Variants in ZBTB8A observed in about 807,000 individuals in gnomAD.
ZBTB8A encodes zinc finger and BTB domain-containing protein 8A.
A neutral mutation model predicts 37.8 loss-of-function variants in ZBTB8A; 19 were observed. The observed-to-expected ratio is 0.50, with a 90% CI of 0.35 to 0.74. The LOEUF is 0.74. ZBTB8A is among the 30% of genes least tolerant of loss of function. ZBTB8A has a pLI of 0.01. For missense variants in ZBTB8A, 394 were observed against 537.8 expected (o/e 0.73, Z 2.65); for synonymous variants, 181 against 185.2 (o/e 0.98, Z 0.19).
intron 2 of ZBTB8A, among the ~76,000 whole-genome samples, chr1:32,565,715 C>T (rs1032479863): frequency 1.3e-5 from 2 of 152,032 alleles, no homozygotes; most frequent in Non-Finnish European, 2.9e-5. Context: ...ATTCATTTCC[C>T]TTTAGTCCTA....
intron 4 of ZBTB8A, among the ~76,000 whole-genome samples, chr1:32,595,538 G>A (rs1274905669): frequency 6.6e-6 from 1 of 151,252 alleles, no homozygotes; most frequent in African/African-American, 2.4e-5. Context: ...AAAGTGCTGG[G>A]ATTACAGGCA....
chr1:32,540,010 G>A (rs1644039670), intron 1 of ZBTB8A, among the ~76,000 whole-genome samples: 2 of 151,722 alleles, frequency 1.3e-5, no homozygotes, highest in African/African-American at 4.8e-5. Flanking sequence ...CTCTGCGGGC[G>A]CGGCCAGGGG....
Position 32,595,218 on chromosome 1 carries a change from C to T in ZBTB8A, c.988C>T (p.Arg330Ter), listed in dbSNP as rs980342306. ...SRLDHLSSHF[R>*]TIHQACKLIC... ...GCTAGACCATCTAAGTAGCCATTTT[C>T]GAACAGTATGTATGATTTTTTTTCA... The change falls in exon 4 of 5, where the codon CGA becomes TGA. Residue 330 changes from arginine (R) to a stop codon, truncating the protein, a stop_gained. Transcript: ENST00000373510. LOFTEE classifies it high-confidence loss of function. 1.9e-6 allele frequency: 3 copies of T among 1,612,254 alleles called. No homozygotes were observed. The highest frequency in any genetic ancestry group is 1.7e-6 in the Non-Finnish European group (2 of 1,179,634).
At chr1:32,547,764 T>G (rs1318938685) in intron 1 of ZBTB8A, among the ~76,000 whole-genome samples, 2 of 133,472 alleles carry the variant, frequency 1.5e-5, no homozygotes, top group African/African-American at 5.7e-5. Context: ...AGCTGTGATC[T>G]CACCACTGCA....
intron 1 of ZBTB8A, among the ~76,000 whole-genome samples, chr1:32,542,871 C>T (rs922307576): frequency 6.6e-6 from 1 of 152,200 alleles, no homozygotes; most frequent in Non-Finnish European, 1.5e-5. Context: ...ATCTAACTTG[C>T]TGTTTCAACG....
chr1:32,581,603 CG>C (rs1169476922), intron 2 of ZBTB8A, among the ~76,000 whole-genome samples: 1 of 151,850 alleles, frequency 6.6e-6, no homozygotes, highest in Non-Finnish European at 1.5e-5. Context: ...CCACCCGCCT[CG>C]GCCTCCCAAA....
At chr1:32,575,533 G>A (rs1256555688) in intron 2 of ZBTB8A, among the ~76,000 whole-genome samples, 3 of 151,732 alleles carry the variant, frequency 2.0e-5, no homozygotes, top group African/African-American at 7.3e-5. Context: ...CCCATCTTTT[G>A]TTCTTTTGCT....
chr1:32,569,783 T>G (rs1644311344), intron 2 of ZBTB8A, among the ~76,000 whole-genome samples: 1 of 151,714 alleles, frequency 6.6e-6, no homozygotes, highest in African/African-American at 2.4e-5. Context: ...CTATTTCTTT[T>G]TTTTTTTTTG....
At chr1:32,582,750 G>A (rs1644417209) in intron 2 of ZBTB8A, among the ~76,000 whole-genome samples, 1 of 152,114 alleles carries the variant, frequency 6.6e-6, no homozygotes, top group Non-Finnish European at 1.5e-5. Flanking sequence ...ACATAACCAT[G>A]CATATATTAT....
chr1:32,555,183 A>G (rs1168948434), intron 2 of ZBTB8A, among the ~76,000 whole-genome samples: 1 of 152,070 alleles, frequency 6.6e-6, no homozygotes, highest in Non-Finnish European at 1.5e-5. Context: ...AGGTCAGGAG[A>G]TCGAGACCAT....
intron 4 of ZBTB8A, among the ~76,000 whole-genome samples, chr1:32,599,650 G>A (rs1475604656): frequency 1.3e-5 from 2 of 152,058 alleles, no homozygotes; most frequent in Non-Finnish European, 2.9e-5. Flanking sequence ...CCCGGAGGCG[G>A]AGGTTGCAGT....
intron 2 of ZBTB8A, among the ~76,000 whole-genome samples, chr1:32,569,866 G>A (rs1374208616): frequency 2.0e-5 from 3 of 149,048 alleles, no homozygotes; most frequent in East Asian, 3.9e-4. Context: ...CAAGCAATCC[G>A]TCCACCTCAG....
intron 1 of ZBTB8A, 34 bp downstream of exon 1, chr1:32,539,606 G>A (rs1254345145): frequency 1.4e-5 from 2 of 146,514 alleles, no homozygotes; most frequent in Non-Finnish European, 3.0e-5. Context: ...GCGGAGGGCG[G>A]GCGGGCGTCG....
In ZBTB8A at chr1:32,601,748, T is replaced by C. The variant is rs1052723337; in HGVS notation, c.*1329T>C. ...AAGAATAGAAGTCAAACCTCACCAG[T>C]TGGCAGTCATTATAAAAATAAGCCA... On this transcript the variant is annotated 3_prime_UTR_variant, in exon 5 of 5. Transcript: ENST00000373510. 1.0e-5 allele frequency: 4 copies of C among 398,252 alleles called. No individual in the cohort carries two copies. Among genetic ancestry groups the C allele is most frequent in the African/African-American group, 6.2e-5 (3 of 48,628 alleles). 24.7% of individuals were successfully genotyped at this position (398,252 alleles called of 1,614,324 possible). A position where few individuals can be genotyped will look rare whatever the true frequency, so the allele number is the denominator to read the frequency against.
At chr1:32,589,716 A>T (rs1644474263) in intron 2 of ZBTB8A, among the ~76,000 whole-genome samples, 1 of 148,764 alleles carries the variant, frequency 6.7e-6, no homozygotes, top group Non-Finnish European at 1.5e-5. Context: ...TGCCTGGCTG[A>T]TTTTTTGGTA....
At chr1:32,582,205 CTT>C (rs376173274) in intron 2 of ZBTB8A, among the ~76,000 whole-genome samples, 70 of 152,228 alleles carry the variant, frequency 4.6e-4, no homozygotes, top group African/African-American at 1.4e-3. Context: ...TGAGTACTAA[CTT>C]GATGCTCAAA....
chr1:32,570,468 G>A (rs1644315598), intron 2 of ZBTB8A, among the ~76,000 whole-genome samples: 1 of 152,254 alleles, frequency 6.6e-6, no homozygotes, highest in Middle Eastern at 3.4e-3. Flanking sequence ...CTTGGATTTT[G>A]TTGGGATTAC....
intron 1 of ZBTB8A, 133 bp downstream of exon 1, chr1:32,539,705 C>T (rs898224239): frequency 6.8e-6 from 1 of 146,894 alleles, no homozygotes; most frequent in African/African-American, 2.5e-5. Flanking sequence ...GGGCGCGCCT[C>T]CCCCAGACGT....
intron 2 of ZBTB8A, among the ~76,000 whole-genome samples, chr1:32,557,657 G>T (rs907923026): frequency 2.0e-5 from 3 of 152,048 alleles, no homozygotes; most frequent in South Asian, 4.2e-4. Flanking sequence ...TAGAGATGAG[G>T]TTTCACCATG....
Sources: gnomAD v4.1 joint callset for allele counts (sites outside exome capture counted in the v4.1 genomes callset) on GRCh38, gnomAD v4.1.1 for gene constraint, MANE v1.5 for transcripts, NCBI Gene and HGNC (gene_info 2026-07-23, HGNC 2026-07-21) for gene names.